LRRTM4: variants seen among roughly 807,000 people sequenced by gnomAD.
The protein encoded by LRRTM4 is leucine rich repeat transmembrane neuronal 4.
A neutral mutation model predicts 47.6 loss-of-function variants in LRRTM4; 25 were observed. The observed-to-expected ratio is 0.53, with a 90% CI of 0.38 to 0.73. LRRTM4 has a LOEUF of 0.73. Ranked by LOEUF, LRRTM4 falls within the 30% of genes least tolerant of loss-of-function variation. LRRTM4 has a pLI of 0.00. For missense variants in LRRTM4, 638 were observed against 713.4 expected, an observed-to-expected ratio of 0.89 and a Z score of 1.20; for synonymous variants, 311 against 269.5, an observed-to-expected ratio of 1.15 and a Z score of -1.51.
intron 3 of LRRTM4, among the ~76,000 whole-genome samples, chr2:77,254,291 T>A (rs1023073359): frequency 6.6e-6 from 1 of 151,912 alleles, no homozygotes; most frequent in Admixed American, 6.6e-5. Flanking sequence ...TCATCCTAGA[T>A]TCTATATCAA....
chr2:76,846,951 AAAAAC>A (rs1466764202), intron 3 of LRRTM4, among the ~76,000 whole-genome samples: 5 of 152,192 alleles, frequency 3.3e-5, no homozygotes, highest in Non-Finnish European at 7.3e-5. Flanking sequence ...GAGAGTAACT[AAAAAC>A]AAACTCTTCC....
intron 3 of LRRTM4, among the ~76,000 whole-genome samples, chr2:77,305,152 TTTAA>T (rs1046985775): frequency 1.6e-4 from 24 of 152,192 alleles, no homozygotes; most frequent in Middle Eastern, 3.4e-3. Context: ...GAGATTATGA[TTTAA>T]TTATTTTTTT....
intron 3 of LRRTM4, among the ~76,000 whole-genome samples, chr2:77,233,317 T>C (rs1291999818): frequency 6.6e-6 from 1 of 152,172 alleles, no homozygotes; most frequent in Non-Finnish European, 1.5e-5. Context: ...TACAGCTGCT[T>C]CTTGAAACTG....
At chr2:77,506,221 T>C (rs1026893582) in intron 3 of LRRTM4, among the ~76,000 whole-genome samples, 8 of 151,590 alleles carry the variant, frequency 5.3e-5, no homozygotes, top group African/African-American at 1.9e-4. Flanking sequence ...CGGAGAGAAT[T>C]ATAATATTTT....
At chr2:77,501,819 G>A (rs1030124345) in intron 3 of LRRTM4, among the ~76,000 whole-genome samples, 5 of 151,142 alleles carry the variant, frequency 3.3e-5, no homozygotes, top group African/African-American at 1.2e-4. Context: ...ATAAAATACA[G>A]AAATTAAAAT....
At chr2:76,784,455 T>A (rs1225370688) in intron 3 of LRRTM4, among the ~76,000 whole-genome samples, 5 of 152,014 alleles carry the variant, frequency 3.3e-5, no homozygotes, top group Admixed American at 6.6e-5. Context: ...TGTCTACATA[T>A]ACATAGATAT....
chr2:76,816,802 T>C (rs116731965), intron 3 of LRRTM4, among the ~76,000 whole-genome samples: 3,246 of 148,996 alleles, frequency 0.022, 146 homozygotes, highest in African/African-American at 0.075. Flanking sequence ...AACACTGCTT[T>C]TACTTAGAGG....
chr2:76,803,933 C>T (rs1448483631), intron 3 of LRRTM4, among the ~76,000 whole-genome samples: 1 of 152,182 alleles, frequency 6.6e-6, no homozygotes, highest in Non-Finnish European at 1.5e-5. Flanking sequence ...GCAACAAAAA[C>T]TTGAAGACTG....
intron 3 of LRRTM4, chr2:77,009,243 G>A (rs1677778699): frequency 6.6e-6 from 1 of 152,084 alleles, no homozygotes. Flanking sequence ...TTCTTTTCTT[G>A]TAATTACTGT....
intron 3 of LRRTM4, among the ~76,000 whole-genome samples, chr2:77,307,256 A>G (rs546415332): frequency 6.6e-6 from 1 of 151,906 alleles, no homozygotes. Context: ...AAATATAAAT[A>G]AATTAAAGAC....
At chr2:77,021,110 G>GTATC (rs36108858) in intron 3 of LRRTM4, among the ~76,000 whole-genome samples, 54,417 of 150,920 alleles carry the variant, frequency 0.36, 10,200 homozygotes, top group African/African-American at 0.47. Context: ...ATCTATCTAT[G>GTATC]TATCTATCTA....
At chr2:76,968,656 G>T (rs1676119151) in intron 3 of LRRTM4, among the ~76,000 whole-genome samples, 1 of 151,528 alleles carries the variant, frequency 6.6e-6, no homozygotes, top group South Asian at 2.1e-4. Context: ...ATGGTGGAAG[G>T]AAGAGAGGAC....
At chr2:77,400,462 A>T (rs1030582244) in intron 3 of LRRTM4, among the ~76,000 whole-genome samples, 4 of 151,718 alleles carry the variant, frequency 2.6e-5, no homozygotes, top group Admixed American at 2.0e-4. Flanking sequence ...CCTCTATAAC[A>T]CGGTCTGAGT....
At position 77,164,714 on chromosome 2, in the gene LRRTM4, C is replaced by T. The variant is rs147485459; in HGVS notation, c.1551+353604G>A. Among the ~76,000 whole-genome samples, 426 of 152,268 alleles carry T rather than the reference C, an allele frequency of 2.8e-3. 1 individual carries two copies. Among genetic ancestry groups the T allele is most frequent in the Non-Finnish European group, 4.6e-3 (312 of 68,020 alleles). Reference sequence around the variant, plus strand: ...TGAACAACCTGCTCCTGAATGACTACTGGTTAAATAACAAAATGCGGGCAG... The same window carrying T: ...TGAACAACCTGCTCCTGAATGACTATTGGTTAAATAACAAAATGCGGGCAG... On this transcript the variant is annotated intron_variant, in intron 3 of 3. Coordinates refer to ENST00000409884, the MANE Select transcript of LRRTM4 (RefSeq NM_001134745.3).
Position 77,028,217 on chromosome 2 carries a change from C to T in LRRTM4, c.1552-279301G>A, listed in dbSNP as rs147284013. Among the ~76,000 whole-genome samples the T allele has an allele frequency of 9.9e-5, 15 of 152,208 alleles. No homozygotes were observed. The South Asian group carries it at 1.2e-3, about 13-fold the overall frequency. On this transcript the variant is annotated intron_variant, in intron 3 of 3. Transcript: ENST00000409884. ...TCTGAAGTAAGAAGATGTATCAGAA[C>T]GTAGCGCATGACTCATTGAGTAATG... is the stretch of plus-strand genomic sequence containing the variant.
chr2:77,445,091 G>C lies in LRRTM4; in HGVS notation c.1551+73227C>G, dbSNP rs535735279. On this transcript the variant is annotated intron_variant, in intron 3 of 3. Coordinates refer to ENST00000409884, the MANE Select transcript of LRRTM4 (RefSeq NM_001134745.3). Reference sequence around the variant, plus strand: ...TTGTTGTTGTTTTTCTGGGTCTCAAGCATCTTCTATAAGGCAATTGTGTAT... The same window carrying C: ...TTGTTGTTGTTTTTCTGGGTCTCAACCATCTTCTATAAGGCAATTGTGTAT... 1.4e-4 allele frequency among the ~76,000 whole-genome samples: 21 copies of C among 151,944 alleles called. 2 individuals are homozygous for C. The South Asian group carries it at 4.4e-3, about 32-fold the overall frequency.
At chr2:77,433,476 C>T (rs1478749274) in intron 3 of LRRTM4, among the ~76,000 whole-genome samples, 1 of 152,090 alleles carries the variant, frequency 6.6e-6, no homozygotes, top group Non-Finnish European at 1.5e-5. Context: ...CAACCTTGCA[C>T]CAAAATTAAC....
intron 3 of LRRTM4, among the ~76,000 whole-genome samples, chr2:77,395,067 TG>T (rs1425134727): frequency 1.3e-5 from 2 of 151,964 alleles, no homozygotes; most frequent in African/African-American, 4.8e-5. Context: ...AATTAACCCT[TG>T]CCTGGCATGG....
At chr2:76,770,529 C>A (rs72917798) in intron 3 of LRRTM4, among the ~76,000 whole-genome samples, 2,053 of 152,234 alleles carry the variant, frequency 0.013, 52 homozygotes, top group African/African-American at 0.046. Context: ...AATATGTGTT[C>A]TCTATTTAAA....
Sources: allele counts gnomAD v4.1 joint callset (sites outside exome capture counted in the v4.1 genomes callset), GRCh38; gene constraint gnomAD v4.1.1; transcripts MANE v1.5; gene names NCBI Gene and HGNC (gene_info 2026-07-23, HGNC 2026-07-21).